RHOQ: variants seen among roughly 807,000 people sequenced by gnomAD.
The protein encoded by RHOQ is rho-related GTP-binding protein RhoQ.
In RHOQ, 7 loss-of-function variants were observed where a neutral mutation model predicts 25.8. That is an observed-to-expected ratio of 0.27 (90% confidence interval 0.15 to 0.51). The LOEUF is 0.51. Ranked by LOEUF, RHOQ falls within the 20% of genes least tolerant of loss-of-function variation. The pLI is 0.97. For missense variants in RHOQ, 165 were observed against 260.6 expected, an observed-to-expected ratio of 0.63 and a Z score of 2.53; for synonymous variants, 97 against 98.6, an observed-to-expected ratio of 0.98 and a Z score of 0.10.
chr2:46,545,892 A>G (rs927697392), intron 2 of RHOQ, among the ~76,000 whole-genome samples: 1 of 152,162 alleles, frequency 6.6e-6, no homozygotes, highest in Non-Finnish European at 1.5e-5. Flanking sequence ...ATATGGCCGT[A>G]ATTACTCTTT....
intron 2 of RHOQ, among the ~76,000 whole-genome samples, chr2:46,574,402 T>G (rs1054222657): frequency 5.3e-5 from 8 of 151,636 alleles, no homozygotes; most frequent in Admixed American, 2.6e-4. Flanking sequence ...AAAGTACATA[T>G]AAGGCACTCA....
In RHOQ at chr2:46,563,575, G is replaced by A. The variant is rs141750018; in HGVS notation, c.202-12512G>A. 3.3e-3 allele frequency among the ~76,000 whole-genome samples: 504 copies of A among 152,298 alleles called. 1 individual carries two copies. Among genetic ancestry groups the A allele is most frequent in the African/African-American group, 0.011 (453 of 41,566 alleles). ...CAGGGGAGGGGAGGGCATCAAACCCGTGCAAGGAGGATAAGCTGTGCTCAG... is the reference window on the plus strand; with the variant it reads ...CAGGGGAGGGGAGGGCATCAAACCCATGCAAGGAGGATAAGCTGTGCTCAG... On this transcript the variant is annotated intron_variant, in intron 2 of 4. Transcript: ENST00000238738.
rs1669132488 is a variant in RHOQ at position 46,576,464 on chromosome 2, C to A, written c.367-97C>A. ...TAAAAATTAAGTTCTTTTGTTTAAT[C>A]TTTTTTTGGTATGTGGGAATTAAGT... is the stretch of plus-strand genomic sequence containing the variant. On this transcript the variant is annotated intron_variant, in intron 3 of 4. Coordinates refer to ENST00000238738, the MANE Select transcript of RHOQ (RefSeq NM_012249.4). The surrounding 1 kb of genome is among the most constrained non-coding windows in gnomAD (Gnocchi z 5.1). 2.2e-6 allele frequency: 2 copies of A among 919,368 alleles called. No homozygotes were observed. Among genetic ancestry groups the A allele is most frequent in the Admixed American group, 2.7e-5 (1 of 37,432 alleles). 57.0% of individuals were successfully genotyped at this position (919,368 alleles called of 1,614,324 possible). A position where few individuals can be genotyped will look rare whatever the true frequency, so the allele number is the denominator to read the frequency against.
intron 2 of RHOQ, among the ~76,000 whole-genome samples, chr2:46,559,322 T>C (rs950552320): frequency 1.8e-4 from 28 of 152,194 alleles, no homozygotes; most frequent in Non-Finnish European, 3.2e-4. Context: ...GTATATCATC[T>C]CTGATTTCTC....
chr2:46,551,409 G>T (rs552064486), intron 2 of RHOQ, among the ~76,000 whole-genome samples: 1 of 152,342 alleles, frequency 6.6e-6, no homozygotes, highest in Non-Finnish European at 1.5e-5. Flanking sequence ...ATGAGTTCCA[G>T]CAGGCAGAGG....
rs1385664378 is a variant in RHOQ at position 46,555,280 on chromosome 2, A to G, written c.201+11468A>G. On this transcript the variant is annotated intron_variant, in intron 2 of 4. Coordinates refer to ENST00000238738, the MANE Select transcript of RHOQ (RefSeq NM_012249.4). This position sits in a 1 kb window ranked among gnomAD's most constrained non-coding sequence, Gnocchi z 4.3. ...AATTGTCTCCAGGCTGCACTCTAGCATTTGGTTTTATTCATGTGTAAATCT... is the reference window on the plus strand; with the variant it reads ...AATTGTCTCCAGGCTGCACTCTAGCGTTTGGTTTTATTCATGTGTAAATCT... 6.6e-6 allele frequency among the ~76,000 whole-genome samples: 1 copy of G among 152,166 alleles called. No homozygotes were observed. The highest frequency in any genetic ancestry group is 1.5e-5 in the Non-Finnish European group (1 of 68,036).
At chr2:46,574,701 A>G (rs1309809473) in intron 2 of RHOQ, among the ~76,000 whole-genome samples, 1 of 152,218 alleles carries the variant, frequency 6.6e-6, no homozygotes, top group Non-Finnish European at 1.5e-5. Flanking sequence ...TGTGCCCTTC[A>G]AAAGCATCAC....
chr2:46,576,416 A>C lies in RHOQ; in HGVS notation c.367-145A>C, dbSNP rs909814196. On this transcript the variant is annotated intron_variant, in intron 3 of 4. Transcript: ENST00000238738. This position sits in a 1 kb window ranked among gnomAD's most constrained non-coding sequence, Gnocchi z 5.1. Reference sequence around the variant, plus strand: ...TTTTTGGAAAAAATTGTGCCAAAAGAAAGCAATTATTTTCCTGGTTTTTAA... The same window carrying C: ...TTTTTGGAAAAAATTGTGCCAAAAGCAAGCAATTATTTTCCTGGTTTTTAA... 5 of 898,332 alleles carry C rather than the reference A, an allele frequency of 5.6e-6. No homozygotes were observed. The highest frequency in any genetic ancestry group is 1.7e-5 in the African/African-American group (1 of 58,918). The allele number at this position is 898,332 out of a possible 1,614,324, so 55.6% of individuals were successfully genotyped here.
rs1433729837 is a variant in RHOQ at position 46,584,410 on chromosome 2, T to A, written c.*3327T>A. ...GTATAGGGAGAATAGTAATCCCTCATGAATCCCAGCTAGATTCCAATTTGG... is the reference window on the plus strand; with the variant it reads ...GTATAGGGAGAATAGTAATCCCTCAAGAATCCCAGCTAGATTCCAATTTGG... On this transcript the variant is annotated 3_prime_UTR_variant, in exon 5 of 5. Coordinates refer to ENST00000238738, the MANE Select transcript of RHOQ (RefSeq NM_012249.4). Among the ~76,000 whole-genome samples the A allele has an allele frequency of 6.6e-6, 1 of 152,218 alleles. No individual in the cohort carries two copies. The highest frequency in any genetic ancestry group is 2.4e-5 in the African/African-American group (1 of 41,466).
intron 2 of RHOQ, among the ~76,000 whole-genome samples, chr2:46,574,442 A>G (rs1485496063): frequency 1.3e-5 from 2 of 151,982 alleles, no homozygotes; most frequent in African/African-American, 4.8e-5. Flanking sequence ...GCTGATTTTT[A>G]AAAAGTTAAA....
chr2:46,562,718 T>A (rs1044468713), intron 2 of RHOQ, among the ~76,000 whole-genome samples: 1 of 152,210 alleles, frequency 6.6e-6, no homozygotes, highest in Non-Finnish European at 1.5e-5. Context: ...TCCCAGCCTT[T>A]GATTTTTTTT....
intron 2 of RHOQ, among the ~76,000 whole-genome samples, chr2:46,554,532 C>T (rs1572739914): frequency 6.6e-6 from 1 of 152,330 alleles, no homozygotes; most frequent in South Asian, 2.1e-4. Context: ...GTGACAGACC[C>T]TGTCCCTGAG....
chr2:46,577,565 ATTTT>A (rs908178158), intron 4 of RHOQ, among the ~76,000 whole-genome samples: 16 of 64,950 alleles, frequency 2.5e-4, no homozygotes, highest in African/African-American at 9.1e-4. Context: ...ACACCCGGCT[ATTTT>A]TTTTTTTTTT....
Position 46,543,058 on chromosome 2 carries a change from G to C in RHOQ, c.12G>C (p.Gly4=), listed in dbSNP as rs370119449. 10 of 1,601,398 alleles carry C rather than the reference G, an allele frequency of 6.2e-6. No homozygotes were observed. The African/African-American group carries it at 1.4e-4, about 22-fold the overall frequency. ...CGGCCGGCAGCAGCATGGCTCACGGGCCCGGCGCGCTGATGCTCAAGTGCG... is the reference window on the plus strand; with the variant it reads ...CGGCCGGCAGCAGCATGGCTCACGGCCCCGGCGCGCTGATGCTCAAGTGCG... MAH[G]PGALMLKCVV... Residue 4 remains glycine (G), a synonymous_variant, in exon 1 of 5, where the codon GGG becomes GGC. Transcript: ENST00000238738.
At chr2:46,550,137 G>A (rs541185032) in intron 2 of RHOQ, among the ~76,000 whole-genome samples, 3 of 152,132 alleles carry the variant, frequency 2.0e-5, no homozygotes, top group Non-Finnish European at 4.4e-5. Flanking sequence ...GGAGGCTGAG[G>A]TGGGAGGATC....
chr2:46,546,614 T>G (rs1668078633), intron 2 of RHOQ, among the ~76,000 whole-genome samples: 1 of 148,408 alleles, frequency 6.7e-6, no homozygotes, highest in Non-Finnish European at 1.5e-5. Context: ...GATCTCCACC[T>G]TAGCTAGTCA....
intron 2 of RHOQ, among the ~76,000 whole-genome samples, chr2:46,554,676 C>T (rs1289226317): frequency 6.6e-6 from 1 of 152,150 alleles, no homozygotes; most frequent in Non-Finnish European, 1.5e-5. Context: ...GTTACTCAAA[C>T]ACCCATCTTG....
chr2:46,560,607 C>G (rs1019973457), intron 2 of RHOQ: 4 of 456,154 alleles, frequency 8.8e-6, no homozygotes, highest in Non-Finnish European at 1.8e-5. Context: ...CGTTTTCCTT[C>G]CATACGAGAG....
chr2:46,544,154 T>TC (rs997796895), intron 2 of RHOQ, among the ~76,000 whole-genome samples: 8 of 151,628 alleles, frequency 5.3e-5, no homozygotes, highest in East Asian at 1.9e-4. Context: ...TGACCAGGTC[T>TC]CCCCCCCACA....
Sources: gnomAD v4.1 joint callset for allele counts (sites outside exome capture counted in the v4.1 genomes callset) on GRCh38, gnomAD v4.1.1 for gene constraint, Gnocchi (gnomAD v3.1) non-coding constraint, MANE v1.5 for transcripts, NCBI Gene and HGNC (gene_info 2026-07-23, HGNC 2026-07-21) for gene names.